The following DMD variants were observed in gnomAD, a reference collection of about 807,000 sequenced individuals.
The protein encoded by DMD is mutant dystrophin.
A neutral mutation model predicts 330.1 loss-of-function variants in DMD; 63 were observed. The ratio of observed to expected loss-of-function variants is 0.19; its 90% confidence interval spans 0.16 to 0.24. The LOEUF (loss-of-function observed/expected upper bound fraction) is 0.24. Ranked by LOEUF, DMD falls within the 10% of genes least tolerant of loss-of-function variation. DMD has a pLI of 1.00. For missense variants in DMD, 3,344 were observed against 2,684.1 expected (o/e 1.25, Z -5.43); for synonymous variants, 1,223 against 959.8 (o/e 1.27, Z -5.07).
rs772140132 is a variant in DMD, at chrX:31,901,742, T to G, written c.6913-26369A>C. 5.4e-5 allele frequency among the ~76,000 whole-genome samples: 6 copies of G among 111,854 alleles called. No homozygotes were observed. In the South Asian group the frequency reaches 2.2e-3, roughly 41 times the overall value. ...TATTTTGGATATGCCCTCTATTATA[T>G]TACTAATATTTACATAAATGTAAAC... On this transcript the variant is annotated intron_variant, in intron 47 of 78. Coordinates refer to ENST00000357033, the MANE Select transcript of DMD (RefSeq NM_004006.3).
intron 1 of DMD, among the ~76,000 whole-genome samples, chrX:33,166,242 C>T (rs1279995567): frequency 3.6e-5 from 4 of 110,849 alleles, no homozygotes; most frequent in Non-Finnish European, 7.6e-5. Context: ...CATTATCAAT[C>T]ATCGCTGAGA....
At chrX:32,740,040 A>C (rs1308139531) in intron 7 of DMD, among the ~76,000 whole-genome samples, 1 of 109,540 alleles carries the variant, frequency 9.1e-6, no homozygotes, top group African/African-American at 3.3e-5. Flanking sequence ...TTGTACTTTG[A>C]TATGGCCATG....
At chrX:31,550,699 A>G (rs1295429403) in intron 55 of DMD, among the ~76,000 whole-genome samples, 1 of 111,890 alleles carries the variant, frequency 8.9e-6, no homozygotes, top group Non-Finnish European at 1.9e-5. Context: ...GTTTAATATT[A>G]TAAAGGTTAT....
At chrX:33,310,767 G>A (rs764825334) in intron 1 of DMD, among the ~76,000 whole-genome samples, 77 of 110,892 alleles carry the variant, frequency 6.9e-4, no homozygotes, top group Non-Finnish European at 1.2e-3. Context: ...TAAAGATTAC[G>A]AGTCTAGGCT....
chrX:32,582,794 C>T (rs770342042), intron 13 of DMD, among the ~76,000 whole-genome samples: 6 of 111,822 alleles, frequency 5.4e-5, no homozygotes, highest in African/African-American at 1.3e-4. Context: ...TTTCTTAGAG[C>T]GCTTACTTTA....
intron 17 of DMD, among the ~76,000 whole-genome samples, chrX:32,535,721 C>A (rs1021507818): frequency 9.0e-6 from 1 of 111,632 alleles, no homozygotes; most frequent in Non-Finnish European, 1.9e-5. Flanking sequence ...CCTTATATTA[C>A]GTTTCCTCTC....
intron 55 of DMD, among the ~76,000 whole-genome samples, chrX:31,547,706 T>G (rs1288689982): frequency 8.9e-6 from 1 of 112,409 alleles, no homozygotes; most frequent in Non-Finnish European, 1.9e-5. Context: ...TTTGGAATTG[T>G]GCACTAAATG....
intron 60 of DMD, among the ~76,000 whole-genome samples, chrX:31,410,607 T>C (rs2061593696): frequency 9.0e-6 from 1 of 110,899 alleles, no homozygotes; most frequent in Admixed American, 9.8e-5. Context: ...TCTCCCTTTC[T>C]CTTATAGTTG....
chrX:31,439,117 A>C (rs2064751213), intron 60 of DMD, among the ~76,000 whole-genome samples: 1 of 111,933 alleles, frequency 8.9e-6, no homozygotes, highest in African/African-American at 3.2e-5. Flanking sequence ...AGAGATAATA[A>C]TGGGTACTGC....
chrX:31,192,693 T>C (rs1013761508), intron 67 of DMD, among the ~76,000 whole-genome samples: 2 of 111,956 alleles, frequency 1.8e-5, no homozygotes, highest in African/African-American at 6.5e-5. Context: ...ATGTTACAGA[T>C]AAGAAAAGGC....
At chrX:31,896,613 C>T (rs1487435986) in intron 47 of DMD, among the ~76,000 whole-genome samples, 2 of 111,279 alleles carry the variant, frequency 1.8e-5, no homozygotes, top group Admixed American at 9.6e-5. Flanking sequence ...TTAGAATGTG[C>T]TTCAAGTTTC....
intron 13 of DMD, among the ~76,000 whole-genome samples, chrX:32,583,096 G>T (rs1235348936): frequency 8.9e-6 from 1 of 112,016 alleles, no homozygotes; most frequent in Admixed American, 9.5e-5. Context: ...CAGTAGAAAT[G>T]ATTTCCATCT....
At chrX:32,115,427 G>C (rs2096606492) in intron 44 of DMD, among the ~76,000 whole-genome samples, 1 of 110,773 alleles carries the variant, frequency 9.0e-6, no homozygotes, top group East Asian at 2.8e-4. Flanking sequence ...TGTGTGTGTA[G>C]AGGCGAGGTC....
At chrX:32,568,874 C>G (rs1354790639) in intron 15 of DMD, among the ~76,000 whole-genome samples, 2 of 111,935 alleles carry the variant, frequency 1.8e-5, no homozygotes, top group Non-Finnish European at 3.8e-5. Context: ...GATGCTGATT[C>G]TTTTAAGCTT....
At chrX:31,856,821 A>C (rs920327094) in intron 48 of DMD, among the ~76,000 whole-genome samples, 5 of 112,322 alleles carry the variant, frequency 4.5e-5, no homozygotes, top group Non-Finnish European at 7.5e-5. Flanking sequence ...TATTGTAATA[A>C]AGGTCACATG....
intron 67 of DMD, among the ~76,000 whole-genome samples, chrX:31,197,225 G>C (rs1161621668): frequency 2.7e-5 from 3 of 111,358 alleles, no homozygotes; most frequent in Non-Finnish European, 5.7e-5. Flanking sequence ...CTCAGATTTG[G>C]ACTCAGGCAC....
At chrX:32,601,715 T>A (rs767100179) in intron 12 of DMD, among the ~76,000 whole-genome samples, 23 of 108,409 alleles carry the variant, frequency 2.1e-4, no homozygotes, top group Non-Finnish European at 4.0e-4. Context: ...CAATAACCAA[T>A]CACGTGACTT....
At chrX:32,105,093 G>A (rs191440118) in intron 44 of DMD, among the ~76,000 whole-genome samples, 6 of 111,910 alleles carry the variant, frequency 5.4e-5, no homozygotes, top group African/African-American at 1.6e-4. Flanking sequence ...CACTGTTTAC[G>A]CATCATGAAG....
At chrX:32,834,965 T>C (rs1217322152) in intron 4 of DMD, among the ~76,000 whole-genome samples, 1 of 110,855 alleles carries the variant, frequency 9.0e-6, no homozygotes, top group Non-Finnish European at 1.9e-5. Context: ...TAATACATCT[T>C]GGGGAGCGGG....
Sources: gnomAD v4.1 joint callset for allele counts (sites outside exome capture counted in the v4.1 genomes callset) on GRCh38, gnomAD v4.1.1 for gene constraint, MANE v1.5 for transcripts, NCBI Gene and HGNC (gene_info 2026-07-23, HGNC 2026-07-21) for gene names.